MACROD2: variants seen among roughly 807,000 people sequenced by gnomAD.
MACROD2 encodes ADP-ribose glycohydrolase MACROD2.
In MACROD2, 36 loss-of-function variants were observed where a neutral mutation model predicts 70.4. That is an observed-to-expected ratio of 0.51 (90% CI 0.39 to 0.68). The LOEUF (loss-of-function observed/expected upper bound fraction) is 0.68. Ranked by LOEUF, MACROD2 falls within the 30% of genes least tolerant of loss-of-function variation. MACROD2 has a pLI of 0.00. For synonymous variants in MACROD2, 172 were observed against 178.8 expected (o/e 0.96, Z 0.30); for missense variants, 496 against 538.4 (o/e 0.92, Z 0.78).
At chr20:14,908,004 A>G (rs941727039) in intron 5 of MACROD2, among the ~76,000 whole-genome samples, 1 of 152,166 alleles carries the variant, frequency 6.6e-6, no homozygotes, top group Non-Finnish European at 1.5e-5. Context: ...GCAAAAAGTC[A>G]CTATGAGTCA....
chr20:14,414,929 G>GTTTT (rs11479088), intron 3 of MACROD2, among the ~76,000 whole-genome samples: 2 of 145,002 alleles, frequency 1.4e-5, no homozygotes. Flanking sequence ...CCTGCTTTAT[G>GTTTT]TTTTTTTTTT....
At chr20:15,272,581 C>A (rs2146070830) in intron 6 of MACROD2, among the ~76,000 whole-genome samples, 2 of 152,158 alleles carry the variant, frequency 1.3e-5, no homozygotes, top group Middle Eastern at 6.8e-3. Flanking sequence ...TGTCTGACAC[C>A]AAGATTATTG....
intron 12 of MACROD2, among the ~76,000 whole-genome samples, chr20:15,950,971 T>C (rs984552763): frequency 1.3e-5 from 2 of 152,096 alleles, no homozygotes; most frequent in East Asian, 3.9e-4. Flanking sequence ...TTTCTAAAAG[T>C]CATACAAAAC....
At chr20:15,641,821 C>G (rs2049464441) in intron 8 of MACROD2, among the ~76,000 whole-genome samples, 1 of 152,106 alleles carries the variant, frequency 6.6e-6, no homozygotes, top group African/African-American at 2.4e-5. Flanking sequence ...CCAAAAATAG[C>G]CCAGCTATTG....
chr20:14,822,771 T>A (rs559723589), intron 5 of MACROD2, among the ~76,000 whole-genome samples: 51 of 152,120 alleles, frequency 3.4e-4, no homozygotes, highest in Admixed American at 2.6e-3. Flanking sequence ...GAGTTTTCGA[T>A]AATTATTATC....
intron 5 of MACROD2, among the ~76,000 whole-genome samples, chr20:15,098,740 G>A (rs1293003423): frequency 2.0e-5 from 3 of 152,208 alleles, no homozygotes; most frequent in African/African-American, 2.4e-5. Context: ...GAACATGAAG[G>A]AGGAGCACCT....
At chr20:15,199,298 A>G (rs999022819) in intron 5 of MACROD2, among the ~76,000 whole-genome samples, 8 of 152,128 alleles carry the variant, frequency 5.3e-5, no homozygotes, top group Admixed American at 5.2e-4. Flanking sequence ...TCGAAGCTGC[A>G]GTGAGCTGTG....
intron 3 of MACROD2, among the ~76,000 whole-genome samples, chr20:14,092,176 T>C (rs1422925405): frequency 6.6e-6 from 1 of 152,158 alleles, no homozygotes; most frequent in Non-Finnish European, 1.5e-5. Flanking sequence ...TTTTTTGATA[T>C]TTATTTTTTA....
At chr20:14,567,497 G>A (rs932169841) in intron 4 of MACROD2, among the ~76,000 whole-genome samples, 19 of 152,048 alleles carry the variant, frequency 1.2e-4, no homozygotes, top group African/African-American at 4.1e-4. Flanking sequence ...TTAGAATGAC[G>A]TGTTTTATTG....
chr20:15,685,121 A>G (rs957665744), intron 8 of MACROD2, among the ~76,000 whole-genome samples: 5 of 152,196 alleles, frequency 3.3e-5, no homozygotes, highest in Non-Finnish European at 7.4e-5. Context: ...TGTGCATTCT[A>G]ATATAAAATA....
intron 13 of MACROD2, among the ~76,000 whole-genome samples, chr20:15,984,550 C>T (rs1244166995): frequency 6.6e-6 from 1 of 151,938 alleles, no homozygotes; most frequent in African/African-American, 2.4e-5. Flanking sequence ...TGACTTATTA[C>T]ATTTTTTTCT....
chr20:14,789,029 A>G (rs1423531651), intron 5 of MACROD2, among the ~76,000 whole-genome samples: 1 of 151,820 alleles, frequency 6.6e-6, no homozygotes, highest in African/African-American at 2.4e-5. Context: ...TCGGCCTCCC[A>G]AAGTTCTGGG....
chr20:14,098,201 G>A (rs2054253849), intron 3 of MACROD2, among the ~76,000 whole-genome samples: 1 of 152,066 alleles, frequency 6.6e-6, no homozygotes, highest in Non-Finnish European at 1.5e-5. Flanking sequence ...GGTAATTATG[G>A]GTGTTTTTCA....
intron 8 of MACROD2, among the ~76,000 whole-genome samples, chr20:15,555,370 C>CCTT (rs908588714): frequency 1.3e-5 from 2 of 152,118 alleles, no homozygotes; most frequent in African/African-American, 2.4e-5. Flanking sequence ...CACTTGAGTG[C>CCTT]CTTCTTCTTG....
intron 15 of MACROD2, among the ~76,000 whole-genome samples, chr20:16,018,445 C>G (rs1226047404): frequency 6.6e-6 from 1 of 152,098 alleles, no homozygotes. Context: ...CCCATTCTCT[C>G]TCTCTCTTTT....
At chr20:15,824,549 C>A (rs569734383) in intron 8 of MACROD2, among the ~76,000 whole-genome samples, 1 of 152,260 alleles carries the variant, frequency 6.6e-6, no homozygotes, top group East Asian at 1.9e-4. Flanking sequence ...AAGTTCACTG[C>A]ATGGTTACTG....
chr20:15,417,094 T>C (rs2046162741), intron 6 of MACROD2, among the ~76,000 whole-genome samples: 1 of 152,170 alleles, frequency 6.6e-6, no homozygotes, highest in Non-Finnish European at 1.5e-5. Flanking sequence ...GCATATGCGT[T>C]GGTAAACTAG....
At chr20:14,472,643 A>T (rs1705425258) in intron 3 of MACROD2, among the ~76,000 whole-genome samples, 1 of 152,344 alleles carries the variant, frequency 6.6e-6, no homozygotes, top group South Asian at 2.1e-4. Flanking sequence ...TTGTGTTCAT[A>T]CTTGGACCTT....
chr20:14,832,983 A>G (rs2072988888), intron 5 of MACROD2, among the ~76,000 whole-genome samples: 1 of 152,164 alleles, frequency 6.6e-6, no homozygotes, highest in Non-Finnish European at 1.5e-5. Flanking sequence ...GCACTGTTCA[A>G]TAGAACTTTC....
Sources: gnomAD v4.1 joint callset for allele counts (sites outside exome capture counted in the v4.1 genomes callset) on GRCh38, gnomAD v4.1.1 for gene constraint, MANE v1.5 for transcripts, NCBI Gene and HGNC (gene_info 2026-07-23, HGNC 2026-07-21) for gene names.